The following WWOX variants were observed in gnomAD, a reference collection of about 807,000 sequenced individuals.
WWOX encodes WW domain containing oxidoreductase.
In WWOX, 69 loss-of-function variants were observed where a neutral mutation model predicts 46.2. The ratio of observed to expected loss-of-function variants is 1.49; its 90% CI spans 1.23 to 1.82. The LOEUF is 1.82. Among genes scored for constraint, WWOX ranks in the 40% most tolerant of loss-of-function variants. The pLI, the probability that WWOX is intolerant of heterozygous loss-of-function variation, is 0.00. For missense variants in WWOX, 919 were observed against 542.6 expected (o/e 1.69, Z -6.89); for synonymous variants, 359 against 202.6 (o/e 1.77, Z -6.56).
At chr16:78,821,313 A>G (rs1477781182) in intron 8 of WWOX, among the ~76,000 whole-genome samples, 1 of 152,114 alleles carries the variant, frequency 6.6e-6, no homozygotes, top group East Asian at 1.9e-4. Context: ...GCTAGTTATG[A>G]TGGAGGGTGG....
intron 8 of WWOX, among the ~76,000 whole-genome samples, chr16:78,646,843 G>A (rs1347715172): frequency 1.3e-5 from 2 of 152,102 alleles, no homozygotes; most frequent in South Asian, 2.1e-4. Context: ...CCCATCAGCC[G>A]AAACTAACTC....
chr16:78,541,244 G>C (rs2043885100), intron 8 of WWOX, among the ~76,000 whole-genome samples: 1 of 151,674 alleles, frequency 6.6e-6, no homozygotes, highest in African/African-American at 2.4e-5. Context: ...GGAGGCCGAG[G>C]CGGGCGGATC....
chr16:78,720,262 G>A (rs2048658532), intron 8 of WWOX, among the ~76,000 whole-genome samples: 1 of 150,236 alleles, frequency 6.7e-6, no homozygotes, highest in Non-Finnish European at 1.5e-5. Flanking sequence ...GTGCGCGTGT[G>A]TGAAACAAGG....
chr16:79,091,652 A>G (rs767973427), intron 8 of WWOX, among the ~76,000 whole-genome samples: 1 of 152,140 alleles, frequency 6.6e-6, no homozygotes. Context: ...AGAAGCTCCT[A>G]CTGACTCAAG....
intron 5 of WWOX, among the ~76,000 whole-genome samples, chr16:78,373,361 C>A (rs1439667346): frequency 6.6e-6 from 1 of 152,128 alleles, no homozygotes. Flanking sequence ...GCTGTATTGT[C>A]CCCTAGGAAC....
intron 5 of WWOX, among the ~76,000 whole-genome samples, chr16:78,328,651 C>G (rs1335900077): frequency 6.6e-6 from 1 of 152,098 alleles, no homozygotes; most frequent in Non-Finnish European, 1.5e-5. Context: ...ATGAAAGTTA[C>G]TAAGAGAGAA....
At chr16:78,760,542 C>G (rs1415878880) in intron 8 of WWOX, among the ~76,000 whole-genome samples, 1 of 152,184 alleles carries the variant, frequency 6.6e-6, no homozygotes, top group Admixed American at 6.5e-5. Context: ...AGCTTATTCC[C>G]AATCACACAG....
chr16:78,438,098 A>G (rs747755191), intron 8 of WWOX, among the ~76,000 whole-genome samples: 4 of 152,182 alleles, frequency 2.6e-5, no homozygotes, highest in Non-Finnish European at 4.4e-5. Context: ...GAATCCTACC[A>G]CACTTCCAAA....
intron 8 of WWOX, among the ~76,000 whole-genome samples, chr16:78,968,998 C>T (rs1212278561): frequency 2.0e-5 from 3 of 151,936 alleles, no homozygotes; most frequent in African/African-American, 7.3e-5. Context: ...TTTATATTTC[C>T]AGATGGACTG....
intron 8 of WWOX, among the ~76,000 whole-genome samples, chr16:78,496,749 G>T (rs1567606641): frequency 6.6e-6 from 1 of 152,170 alleles, no homozygotes; most frequent in Admixed American, 6.5e-5. Flanking sequence ...CTTTCTTACT[G>T]TGTGTTTGCA....
chr16:78,248,129 T>G (rs908075138), intron 5 of WWOX, among the ~76,000 whole-genome samples: 33 of 152,280 alleles, frequency 2.2e-4, no homozygotes, highest in African/African-American at 7.7e-4. Context: ...GTAATTTATT[T>G]AAAAGACACC....
chr16:78,613,974 G>C (rs1037644823), intron 8 of WWOX, among the ~76,000 whole-genome samples: 2 of 152,206 alleles, frequency 1.3e-5, no homozygotes, highest in African/African-American at 4.8e-5. Context: ...GCTGCTTTCA[G>C]CTACGTTGGC....
intron 8 of WWOX, among the ~76,000 whole-genome samples, chr16:79,079,981 G>A (rs1489455874): frequency 5.3e-5 from 8 of 152,102 alleles, no homozygotes; most frequent in Non-Finnish European, 1.0e-4. Context: ...TTTATTCTAC[G>A]GGTATTTGTT....
chr16:78,685,855 C>A (rs890621550), intron 8 of WWOX, among the ~76,000 whole-genome samples: 25 of 146,132 alleles, frequency 1.7e-4, no homozygotes, highest in African/African-American at 6.2e-4. Context: ...AGGGAAAGAT[C>A]TGAGAGCAGG....
intron 8 of WWOX, among the ~76,000 whole-genome samples, chr16:78,699,712 G>C (rs1048853981): frequency 1.3e-5 from 2 of 152,180 alleles, no homozygotes; most frequent in Non-Finnish European, 2.9e-5. Flanking sequence ...GCCTCTACCA[G>C]ATGGTACCTC....
In WWOX at chr16:79,001,266, G is replaced by T. The variant is rs28577574; in HGVS notation, c.1057-210342G>T. Among the ~76,000 whole-genome samples, 623 of 152,190 alleles carry T rather than the reference G, an allele frequency of 4.1e-3. 7 individuals carry two copies. The highest frequency in any genetic ancestry group is 0.014 in the African/African-American group (602 of 41,532). ...CTTTGCCTCCTCTCCCAAGACAAAG[G>T]CCTCCCCGCCCCCCTAAATCCAGCA... On this transcript the variant is annotated intron_variant, in intron 8 of 8. Transcript: ENST00000566780.
At chr16:78,915,010 C>T (rs2151260930) in intron 8 of WWOX, among the ~76,000 whole-genome samples, 1 of 151,754 alleles carries the variant, frequency 6.6e-6, no homozygotes, top group South Asian at 2.1e-4. Flanking sequence ...TAGTGGTTCA[C>T]ACCAAAAACA....
chr16:78,349,603 C>G lies in WWOX; in HGVS notation c.517-37257C>G, dbSNP rs1421160614. ...AGGCCACCTTCACAGCCTTGCCATA[C>G]CTTTTCCCGTTTATCCATGGATTGG... On this transcript the variant is annotated intron_variant, in intron 5 of 8. Transcript: ENST00000566780. Among the ~76,000 whole-genome samples the G allele has an allele frequency of 1.7e-5, 2 of 120,280 alleles. 1 individual carries two copies. Among genetic ancestry groups the G allele is most frequent in the Non-Finnish European group, 4.0e-5 (2 of 50,450 alleles). The allele number at this position is 120,280 out of a possible 152,430, so 78.9% of individuals were successfully genotyped here.
At chr16:78,621,032 G>T (rs1316795816) in intron 8 of WWOX, among the ~76,000 whole-genome samples, 3 of 152,086 alleles carry the variant, frequency 2.0e-5, no homozygotes, top group African/African-American at 7.2e-5. Flanking sequence ...GGCTCCTTCT[G>T]TTTAAGGTAA....
Sources: gnomAD v4.1 joint callset for allele counts (sites outside exome capture counted in the v4.1 genomes callset) on GRCh38, gnomAD v4.1.1 for gene constraint, MANE v1.5 for transcripts, NCBI Gene and HGNC (gene_info 2026-07-23, HGNC 2026-07-21) for gene names.